LAMA2: variants seen among roughly 807,000 people sequenced by gnomAD.
LAMA2 encodes laminin subunit alpha 2, also known as laminin subunit alpha-2.
In LAMA2, 269 loss-of-function variants were observed where a neutral mutation model predicts 364.8. The observed-to-expected ratio is 0.74, with a 90% confidence interval of 0.67 to 0.82. LAMA2 has a LOEUF of 0.82. LAMA2 is among the 40% of genes least tolerant of loss of function. The pLI, the probability that LAMA2 is intolerant of heterozygous loss-of-function variation, is 0.00. For synonymous variants in LAMA2, 1,379 were observed against 1,370.6 expected (o/e 1.01, Z -0.14); for missense variants, 3,807 against 3,873.2 (o/e 0.98, Z 0.45).
At position 129,464,324 on chromosome 6, in the gene LAMA2, T is replaced by C. The variant is rs1162386127; in HGVS notation, c.7027T>C (p.Phe2343Leu). The change falls in exon 50 of 65, where the codon TTT becomes CTT. Residue 2343 changes from phenylalanine (F) to leucine (L), a missense_variant. Coordinates refer to ENST00000421865, the MANE Select transcript of LAMA2 (RefSeq NM_000426.4). ...GGAAGATAGTGAGGGGACTATTCAA[T>C]TTGATGGAGAAGGTTATGCATTGGT... The part of the protein sequence containing the change: ...QVEDSEGTIQ[F>L]DGEGYALVSR... 1 of 1,612,098 alleles carries C rather than the reference T, an allele frequency of 6.2e-7. No homozygotes were observed. The highest frequency in any genetic ancestry group is 1.3e-5 in the African/African-American group (1 of 74,778).
At chr6:128,990,438 T>C (rs1361934119) in intron 1 of LAMA2, among the ~76,000 whole-genome samples, 1 of 152,212 alleles carries the variant, frequency 6.6e-6, no homozygotes, top group East Asian at 1.9e-4. Flanking sequence ...AATATGCATT[T>C]AGAGCCTGGC....
intron 1 of LAMA2, among the ~76,000 whole-genome samples, chr6:128,967,859 T>A (rs1781940753): frequency 6.6e-6 from 1 of 152,172 alleles, no homozygotes. Flanking sequence ...CTCAGATTAT[T>A]ATCTATTACA....
chr6:129,378,146 G>A (rs907488370), intron 34 of LAMA2, among the ~76,000 whole-genome samples: 2 of 151,980 alleles, frequency 1.3e-5, no homozygotes, highest in Middle Eastern at 3.2e-3. Context: ...ATGAAAGGAA[G>A]ATTGTACAAC....
intron 11 of LAMA2, 87 bp from the exon 12 acceptor site, chr6:129,192,593 A>G (rs1781585737): frequency 7.5e-7 from 1 of 1,341,744 alleles, no homozygotes; most frequent in Non-Finnish European, 1.0e-6. Context: ...TTAATTTCCA[A>G]AAGTGGACAC....
intron 1 of LAMA2, among the ~76,000 whole-genome samples, chr6:128,901,650 A>C (rs1432842571): frequency 1.3e-5 from 2 of 152,218 alleles, no homozygotes; most frequent in African/African-American, 4.8e-5. Context: ...CTCCATAGAA[A>C]TCATGATAAC....
chr6:129,442,897 CTTTTA>C, intron 43 of LAMA2, 161 bp from the exon 44 acceptor site: 3 of 575,162 alleles, frequency 5.2e-6, no homozygotes, highest in East Asian at 2.9e-5. Context: ...ATTTTGTGTA[CTTTTA>C]TTTGATAACA....
Position 129,401,213 on chromosome 6 carries a change from A to G in LAMA2, c.5446-11A>G, listed in dbSNP as rs969731612. ...ATGCAATTTTGATGTCTTGTTCATAATGGTCTACAGAAAAAGAAGGAGGCT... is the reference window on the plus strand; with the variant it reads ...ATGCAATTTTGATGTCTTGTTCATAGTGGTCTACAGAAAAAGAAGGAGGCT... On this transcript the variant is annotated splice_polypyrimidine_tract_variant and intron_variant, in intron 37 of 64. Transcript: ENST00000421865. 2.0e-6 allele frequency: 3 copies of G among 1,508,770 alleles called. No individual in the cohort carries two copies. Among genetic ancestry groups the G allele is most frequent in the Admixed American group, 3.3e-5 (2 of 59,890 alleles). The allele number at this position is 1,508,770 out of a possible 1,614,324, so 93.5% of individuals were successfully genotyped here.
At chr6:129,013,382 A>G (rs1784885464) in intron 1 of LAMA2, among the ~76,000 whole-genome samples, 1 of 152,076 alleles carries the variant, frequency 6.6e-6, no homozygotes, top group African/African-American at 2.4e-5. Flanking sequence ...GCCTGCAGGG[A>G]GCCGAGATCG....
At chr6:129,162,453 T>G (rs1345332887) in intron 8 of LAMA2, among the ~76,000 whole-genome samples, 1 of 152,060 alleles carries the variant, frequency 6.6e-6, no homozygotes, top group Non-Finnish European at 1.5e-5. Context: ...AAAAATTTCC[T>G]TTAACATTTT....
At chr6:129,513,180 C>T (rs1786741083) in intron 63 of LAMA2, among the ~76,000 whole-genome samples, 1 of 152,138 alleles carries the variant, frequency 6.6e-6, no homozygotes, top group African/African-American at 2.4e-5. Context: ...CGTTTCCACC[C>T]TTAGTGTTGC....
chr6:129,413,414 C>G (rs1373148432), intron 40 of LAMA2, among the ~76,000 whole-genome samples: 1 of 151,840 alleles, frequency 6.6e-6, no homozygotes, highest in South Asian at 2.1e-4. Context: ...TTAAAAGTAC[C>G]TTACACAAGA....
chr6:128,945,471 A>G (rs1435310661), intron 1 of LAMA2, among the ~76,000 whole-genome samples: 1 of 152,254 alleles, frequency 6.6e-6, no homozygotes, highest in East Asian at 1.9e-4. Context: ...TCTATCTGTC[A>G]TAAAATCCAG....
chr6:129,402,651 G>A (rs1433102403), intron 39 of LAMA2, among the ~76,000 whole-genome samples, 164 bp downstream of exon 39: 1 of 152,156 alleles, frequency 6.6e-6, no homozygotes, highest in African/African-American at 2.4e-5. Context: ...GAGGGTCTGG[G>A]CAAAGCTTTG....
chr6:128,917,706 T>TTTTTTTTC (rs1554322937), intron 1 of LAMA2, among the ~76,000 whole-genome samples: 5 of 98,358 alleles, frequency 5.1e-5, no homozygotes, highest in Admixed American at 1.3e-4. Context: ...TTTCTTTTTT[T>TTTTTTTTC]TTTCTTTCTT....
At chr6:129,173,096 C>T (rs539989168) in intron 9 of LAMA2, among the ~76,000 whole-genome samples, 150 of 152,300 alleles carry the variant, frequency 9.8e-4, no homozygotes, top group African/African-American at 3.4e-3. Flanking sequence ...GAGATGAACC[C>T]GGTACCTCAG....
chr6:129,451,512 T>G (rs961621570), intron 45 of LAMA2, among the ~76,000 whole-genome samples: 6 of 152,118 alleles, frequency 3.9e-5, no homozygotes, highest in Non-Finnish European at 7.4e-5. Context: ...CTCCTCTGGG[T>G]GGTGGAGGAA....
chr6:128,973,210 G>A (rs1286131197), intron 1 of LAMA2, among the ~76,000 whole-genome samples: 1 of 152,136 alleles, frequency 6.6e-6, no homozygotes, highest in African/African-American at 2.4e-5. Flanking sequence ...TTAATAGCTT[G>A]GCTCCAGTGA....
chr6:129,018,536 A>G (rs1342703377), intron 1 of LAMA2, among the ~76,000 whole-genome samples: 4 of 144,016 alleles, frequency 2.8e-5, no homozygotes, highest in Admixed American at 2.1e-4. Flanking sequence ...TTGAGATTTA[A>G]AAAAAAAAAA....
chr6:128,898,065 T>A (rs1158128448), intron 1 of LAMA2, among the ~76,000 whole-genome samples: 1 of 152,206 alleles, frequency 6.6e-6, no homozygotes, highest in Admixed American at 6.5e-5. Flanking sequence ...TTTTTAAGGA[T>A]TAAATGGAAT....
Sources: allele counts gnomAD v4.1 joint callset (sites outside exome capture counted in the v4.1 genomes callset), GRCh38; gene constraint gnomAD v4.1.1; transcripts MANE v1.5; gene names NCBI Gene and HGNC (gene_info 2026-07-23, HGNC 2026-07-21).